The following CEP85L variants were observed in gnomAD, a reference collection of about 807,000 sequenced individuals.
The protein encoded by CEP85L is centrosomal protein 85L.
CEP85L carries 60 observed loss-of-function variants against 100.3 expected under a neutral mutation model. The observed-to-expected ratio is 0.60, with a 90% CI of 0.49 to 0.74. CEP85L has a LOEUF of 0.74. CEP85L is among the 30% of genes least tolerant of loss of function. The pLI is 0.00. For synonymous variants in CEP85L, 319 were observed against 322.7 expected (o/e 0.99, Z 0.12); for missense variants, 973 against 936.2 (o/e 1.04, Z -0.51).
chr6:118,553,894 C>G (rs1178745780), intron 3 of CEP85L, among the ~76,000 whole-genome samples: 1 of 152,168 alleles, frequency 6.6e-6, no homozygotes, highest in African/African-American at 2.4e-5. Flanking sequence ...CCTCATTTTT[C>G]TCACCTGTGA....
At chr6:118,617,736 C>T (rs1014906827) in intron 2 of CEP85L, among the ~76,000 whole-genome samples, 3 of 152,096 alleles carry the variant, frequency 2.0e-5, no homozygotes, top group Non-Finnish European at 4.4e-5. Context: ...ATCTGTCACT[C>T]GCCATGGTCA....
At chr6:118,658,022 G>A (rs1424583479) in intron 1 of CEP85L, among the ~76,000 whole-genome samples, 1 of 152,156 alleles carries the variant, frequency 6.6e-6, no homozygotes, top group East Asian at 1.9e-4. Flanking sequence ...GTGGAAGAAT[G>A]TAGGGATCTC....
intron 1 of CEP85L, among the ~76,000 whole-genome samples, chr6:118,703,145 T>A (rs957846645): frequency 6.6e-6 from 1 of 151,986 alleles, no homozygotes; most frequent in African/African-American, 2.4e-5. Flanking sequence ...GCAAAACAAA[T>A]AAATCAGTCT....
intron 4 of CEP85L, among the ~76,000 whole-genome samples, chr6:118,514,774 G>A (rs572103962): frequency 6.6e-6 from 1 of 151,858 alleles, no homozygotes; most frequent in Non-Finnish European, 1.5e-5. Flanking sequence ...GAGAGCCAGA[G>A]TAACTATATT....
chr6:118,506,190 T>C (rs924691230), intron 5 of CEP85L, among the ~76,000 whole-genome samples: 4 of 152,210 alleles, frequency 2.6e-5, no homozygotes, highest in African/African-American at 9.6e-5. Flanking sequence ...CAATTCAAAC[T>C]GATGCAATTT....
At chr6:118,599,911 C>T (rs1467430781) in intron 2 of CEP85L, among the ~76,000 whole-genome samples, 1 of 152,142 alleles carries the variant, frequency 6.6e-6, no homozygotes. Flanking sequence ...GAATGAGAAA[C>T]CGTCACAGAC....
At chr6:118,472,321 C>CT (rs1554201432) in intron 10 of CEP85L, among the ~76,000 whole-genome samples, 1 of 151,976 alleles carries the variant, frequency 6.6e-6, no homozygotes, top group African/African-American at 2.4e-5. Context: ...CCATTTATCA[C>CT]AAAAAGGAAA....
chr6:118,637,565 T>A (rs1298498507), intron 1 of CEP85L, among the ~76,000 whole-genome samples: 4 of 149,496 alleles, frequency 2.7e-5, no homozygotes, highest in Non-Finnish European at 5.9e-5. Flanking sequence ...TTCAAAAAAA[T>A]GCCTCTGTGC....
At chr6:118,645,786 A>T (rs531519561) in intron 1 of CEP85L, among the ~76,000 whole-genome samples, 4 of 152,394 alleles carry the variant, frequency 2.6e-5, no homozygotes, top group African/African-American at 9.6e-5. Flanking sequence ...GTATCCCCAG[A>T]GGCTTATACA....
intron 3 of CEP85L, among the ~76,000 whole-genome samples, chr6:118,554,745 T>C (rs1778751904): frequency 6.6e-6 from 1 of 152,238 alleles, no homozygotes; most frequent in Admixed American, 6.5e-5. Flanking sequence ...CACTAGGAAG[T>C]GATATTTAAA....
intron 3 of CEP85L, among the ~76,000 whole-genome samples, chr6:118,534,118 AT>A (rs1477977433): frequency 5.9e-5 from 9 of 152,132 alleles, no homozygotes; most frequent in Non-Finnish European, 1.2e-4. Flanking sequence ...AAACAAAAAA[AT>A]CAATGCAATT....
intron 1 of CEP85L, among the ~76,000 whole-genome samples, chr6:118,709,388 G>A (rs937487644): frequency 7.9e-5 from 12 of 152,256 alleles, no homozygotes; most frequent in African/African-American, 2.9e-4. Flanking sequence ...ACGCCAGATT[G>A]GGAAGTGACA....
intron 1 of CEP85L, among the ~76,000 whole-genome samples, chr6:118,645,032 G>A (rs1775092409): frequency 1.3e-5 from 2 of 152,184 alleles, no homozygotes; most frequent in African/African-American, 4.8e-5. Context: ...CTTCTGACAT[G>A]CAGAATAGAA....
At chr6:118,652,539 C>T (rs1160742644), upstream of CEP85L, 4 of 1,405,250 alleles carry the variant, frequency 2.8e-6, no homozygotes, top group African/African-American at 4.4e-5. Context: ...GAACGCAGGT[C>T]GCTTAACTAG....
chr6:118,519,581 T>TGG (rs1776533800), intron 4 of CEP85L, among the ~76,000 whole-genome samples: 4 of 3,036 alleles, frequency 1.3e-3, no homozygotes, highest in Non-Finnish European at 1.0e-3. Flanking sequence ...TGTGTGTGTG[T>TGG]GGCGGGGGGG....
intron 4 of CEP85L, among the ~76,000 whole-genome samples, chr6:118,518,827 T>A (rs929183008): frequency 4.6e-5 from 7 of 152,204 alleles, no homozygotes; most frequent in African/African-American, 1.7e-4. Flanking sequence ...GATGTTAGAG[T>A]GTCAATTTTA....
At chr6:118,702,657 G>A (rs1429780129) in intron 1 of CEP85L, among the ~76,000 whole-genome samples, 1 of 152,158 alleles carries the variant, frequency 6.6e-6, no homozygotes, top group African/African-American at 2.4e-5. Flanking sequence ...TTCCAAGTCT[G>A]GTGAATTTAA....
chr6:118,525,558 T>A (rs1270722351), intron 3 of CEP85L, among the ~76,000 whole-genome samples: 2 of 152,168 alleles, frequency 1.3e-5, no homozygotes, highest in Non-Finnish European at 2.9e-5. Context: ...GACAATGCCA[T>A]GTGAATATCA....
At position 118,641,607 on chromosome 6, in the gene CEP85L, C is replaced by T. The variant is rs577052729; in HGVS notation, c.74-8996G>A. The stretch of plus-strand genomic sequence containing the variant: ...CATTTGATTTTTTCGTATGGGTATG[C>T]ATTGCAGTTCATGGCTGGTTAAGCA... On this transcript the variant is annotated intron_variant, in intron 1 of 12. Coordinates refer to ENST00000368491, the MANE Select transcript of CEP85L (RefSeq NM_001042475.3). 3.3e-5 allele frequency among the ~76,000 whole-genome samples: 5 copies of T among 152,172 alleles called. No individual in the cohort carries two copies. In the South Asian group the frequency reaches 1.0e-3, roughly 32 times the overall value.
Sources: allele counts gnomAD v4.1 joint callset (sites outside exome capture counted in the v4.1 genomes callset), GRCh38; gene constraint gnomAD v4.1.1; transcripts MANE v1.5; gene names NCBI Gene and HGNC (gene_info 2026-07-23, HGNC 2026-07-21).